The following ZP2 variants were observed in gnomAD, a reference collection of about 807,000 sequenced individuals.
ZP2 encodes the protein zona pellucida glycoprotein 2.
In ZP2, 51 loss-of-function variants were observed where a neutral mutation model predicts 84.0. The observed-to-expected ratio is 0.61, with a 90% CI of 0.49 to 0.77. ZP2 has a LOEUF of 0.77. ZP2 is among the 30% of genes least tolerant of loss of function. ZP2 has a pLI of 0.00. For missense variants in ZP2, 909 were observed against 911.9 expected (o/e 1.00, Z 0.04); for synonymous variants, 375 against 330.9 (o/e 1.13, Z -1.45).
chr16:21,210,968 G>A (rs2093272424), intron 2 of ZP2, among the ~76,000 whole-genome samples: 1 of 151,672 alleles, frequency 6.6e-6, no homozygotes, highest in African/African-American at 2.4e-5. Flanking sequence ...AGCAGCTCCA[G>A]TTTTGCTTGT....
Position 21,199,595 on chromosome 16 carries a change from G to A in ZP2, c.1902C>T (p.Cys634=), listed in dbSNP as rs1181211613. 1.2e-5 allele frequency: 20 copies of A among 1,612,872 alleles called. No homozygotes were observed. The Admixed American group carries it at 2.2e-4, about 18-fold the overall frequency. ...SPDSPLCSVT[C]PVSSRHRRAT... is the part of the protein sequence containing the mutation. ...CTCGCCTGTGCCTAGAGGACACAGG[G>A]CAGGTCACAGAACACAGTGGGGAGT... is the stretch of plus-strand genomic sequence containing the variant. Residue 634 remains cysteine, a synonymous_variant, in exon 16 of 19, where the codon TGC becomes TGT. Transcript: ENST00000574091.
In ZP2 at chr16:21,206,993, GT is replaced by G; in HGVS notation, c.331-4del. Reference sequence around the variant, plus strand: ...ATGGTCATCTGGTGTCCACCATGCTGTGTACAGATAGCACAGTGGGAACAGA... The same window carrying G: ...ATGGTCATCTGGTGTCCACCATGCTGGTACAGATAGCACAGTGGGAACAGA... On this transcript the variant is annotated splice_region_variant and splice_polypyrimidine_tract_variant and intron_variant, in intron 4 of 18. Coordinates refer to ENST00000574091, the MANE Select transcript of ZP2 (RefSeq NM_001376232.1). 6.2e-7 allele frequency: 1 copy of G among 1,614,062 alleles called. No homozygotes were observed. The highest frequency in any genetic ancestry group is 8.5e-7 in the Non-Finnish European group (1 of 1,179,976).
intron 16 of ZP2, 48 bp from the exon 17 acceptor site, chr16:21,198,910 C>G: frequency 6.6e-7 from 1 of 1,524,374 alleles, no homozygotes; most frequent in Non-Finnish European, 9.1e-7. Flanking sequence ...AATAGTGGTT[C>G]GAGAGGTGTG....
chr16:21,210,214 T>A, intron 2 of ZP2, 22 bp from the exon 3 acceptor site: 2 of 1,604,244 alleles, frequency 1.2e-6, no homozygotes, highest in Non-Finnish European at 1.7e-6. Context: ...AGGAAGCATT[T>A]GGGGGCTTTG....
intron 16 of ZP2, 74 bp from the exon 17 acceptor site, chr16:21,198,936 G>A (rs2093212070): frequency 3.1e-6 from 4 of 1,293,376 alleles, no homozygotes; most frequent in Admixed American, 3.6e-5. Context: ...GGAATGCTTA[G>A]AAGTAGAAGC....
rs140195516 is a variant in ZP2 at position 21,208,880 on chromosome 16, T to A, written c.330+751A>T. Among the ~76,000 whole-genome samples, 4 of 152,268 alleles carry A rather than the reference T, an allele frequency of 2.6e-5. No individual in the cohort carries two copies. The East Asian group carries it at 7.7e-4, about 29-fold the overall frequency. ...CATGGAGCAGGCACCATTACTCTCATCTTCTAATGGGCAAACAGGCTTGAA... is the reference window on the plus strand; with the variant it reads ...CATGGAGCAGGCACCATTACTCTCAACTTCTAATGGGCAAACAGGCTTGAA... On this transcript the variant is annotated intron_variant, in intron 4 of 18. Coordinates refer to ENST00000574091, the MANE Select transcript of ZP2 (RefSeq NM_001376232.1).
chr16:21,207,087 G>T, intron 4 of ZP2, 97 bp from the exon 5 acceptor site: 1 of 1,425,466 alleles, frequency 7.0e-7, no homozygotes. Flanking sequence ...AACCCTTAAA[G>T]TTACTAATAC....
Position 21,201,848 on chromosome 16 carries a change from G to A in ZP2, c.1380-18C>T, listed in dbSNP as rs1567212925. ...CTGTCATTCTGTAAGAGTTTGGAGG[G>A]AAGGTAGGTACAGAAAATTTCAGGT... is the stretch of plus-strand genomic sequence containing the variant. On this transcript the variant is annotated intron_variant, in intron 12 of 18. Coordinates refer to ENST00000574091, the MANE Select transcript of ZP2 (RefSeq NM_001376232.1). 1.2e-6 allele frequency: 2 copies of A among 1,613,886 alleles called. No individual in the cohort carries two copies. The highest frequency in any genetic ancestry group is 1.7e-6 in the Non-Finnish European group (2 of 1,179,846).
chr16:21,200,267 G>A (rs918299754), intron 14 of ZP2, among the ~76,000 whole-genome samples: 13 of 152,064 alleles, frequency 8.5e-5, no homozygotes, highest in East Asian at 1.9e-4. Flanking sequence ...GTGAAACCCC[G>A]TTTCTACTAA....
At position 21,211,468 on chromosome 16, in the gene ZP2, A is replaced by G; in HGVS notation, c.62+18T>C. ...CAAAGCTACCATACCCCCTCCCTCC[A>G]CTTCCAGAATTACTCACCTCCAGCC... On this transcript the variant is annotated intron_variant, in intron 1 of 18. Transcript: ENST00000574091. 1.2e-6 allele frequency: 2 copies of G among 1,613,980 alleles called. No homozygotes were observed. Among genetic ancestry groups the G allele is most frequent in the Non-Finnish European group, 1.7e-6 (2 of 1,179,932 alleles).
At chr16:21,208,418 C>A (rs2093259977) in intron 4 of ZP2, among the ~76,000 whole-genome samples, 1 of 152,152 alleles carries the variant, frequency 6.6e-6, no homozygotes, top group Admixed American at 6.5e-5. Flanking sequence ...ACAGTTCAAG[C>A]CTGTTTACAG....
chr16:21,197,478 A>AT lies in ZP2; in HGVS notation c.*1dup. The AT allele has an allele frequency of 6.2e-7, 1 of 1,614,142 alleles. No homozygotes were observed. The highest frequency in any genetic ancestry group is 2.2e-5 in the East Asian group (1 of 44,890). On this transcript the variant is annotated 3_prime_UTR_variant, in exon 19 of 19. Transcript: ENST00000574091. ...TTTTGACTGCTTTATTTAGAAGCCC[A>AT]TTTAGTGATTTGACACAGTCCTTTT...
intron 3 of ZP2, 61 bp from the exon 4 acceptor site, chr16:21,209,786 C>T: frequency 1.4e-6 from 2 of 1,472,868 alleles, no homozygotes; most frequent in East Asian, 2.3e-5. Context: ...CAGTCCAAAG[C>T]TATAGAGTCA....
chr16:21,202,079 C>A, intron 11 of ZP2, 25 bp downstream of exon 11: 1 of 1,613,388 alleles, frequency 6.2e-7, no homozygotes, highest in Non-Finnish European at 8.5e-7. Flanking sequence ...TGAGACTTAA[C>A]CTCGTGCCAT....
chr16:21,211,655 C>T, upstream of ZP2: 1 of 1,595,998 alleles, frequency 6.3e-7, no homozygotes, highest in Non-Finnish European at 8.5e-7. Flanking sequence ...GCACCTGAAT[C>T]TTGTCCCATT....
intron 2 of ZP2, among the ~76,000 whole-genome samples, chr16:21,211,086 G>A (rs1461563334): frequency 6.6e-6 from 1 of 152,108 alleles, no homozygotes; most frequent in African/African-American, 2.4e-5. Flanking sequence ...TAAAGCTTGA[G>A]GCAGTGAGGG....
intron 16 of ZP2, among the ~76,000 whole-genome samples, chr16:21,199,318 CAAAA>C (rs10644558): frequency 0.2 from 9,144 of 45,434 alleles, 392 homozygotes; most frequent in South Asian, 0.27. Context: ...AAAACTGTCT[CAAAA>C]AAAAAAAAAA....
chr16:21,202,517 C>A (rs1228202916), intron 10 of ZP2, among the ~76,000 whole-genome samples: 2 of 152,060 alleles, frequency 1.3e-5, no homozygotes, highest in African/African-American at 4.8e-5. Flanking sequence ...AAAGGAGGGA[C>A]CAGTAGATGT....
At chr16:21,199,110 G>A (rs2093212866) in intron 16 of ZP2, among the ~76,000 whole-genome samples, 1 of 152,064 alleles carries the variant, frequency 6.6e-6, no homozygotes, top group South Asian at 2.1e-4. Flanking sequence ...GAGGTCAGGA[G>A]ATTGAGACCA....
Sources: allele counts gnomAD v4.1 joint callset (sites outside exome capture counted in the v4.1 genomes callset), GRCh38; gene constraint gnomAD v4.1.1; transcripts MANE v1.5; gene names NCBI Gene and HGNC (gene_info 2026-07-23, HGNC 2026-07-21).